The following ANO3 variants were observed in gnomAD, a reference collection of about 807,000 sequenced individuals.
ANO3 encodes anoctamin 3.
ANO3 carries 99 observed loss-of-function variants against 144.8 expected under a neutral mutation model. The observed-to-expected ratio is 0.68, with a 90% CI of 0.58 to 0.81. ANO3 has a LOEUF of 0.81. Ranked by LOEUF, ANO3 falls within the 30% of genes least tolerant of loss-of-function variation. ANO3 has a pLI of 0.00. For missense variants in ANO3, 905 were observed against 1,202.2 expected, an observed-to-expected ratio of 0.75 and a Z score of 3.66; for synonymous variants, 414 against 392.6, an observed-to-expected ratio of 1.05 and a Z score of -0.64.
chr11:26,385,620 A>G (rs751696477), intron 1 of ANO3, among the ~76,000 whole-genome samples: 15 of 152,040 alleles, frequency 9.9e-5, no homozygotes, highest in Non-Finnish European at 1.6e-4. Context: ...TTAGGTGACA[A>G]TGACTGTGAC....
intron 14 of ANO3, among the ~76,000 whole-genome samples, chr11:26,595,945 T>C (rs1224574884): frequency 6.6e-6 from 1 of 152,198 alleles, no homozygotes; most frequent in African/African-American, 2.4e-5. Flanking sequence ...ACCAATTGAA[T>C]GCATTTGGGC....
chr11:26,517,670 A>G (rs1182503171), intron 6 of ANO3, among the ~76,000 whole-genome samples: 1 of 152,110 alleles, frequency 6.6e-6, no homozygotes, highest in Non-Finnish European at 1.5e-5. Context: ...CAGAATGCCA[A>G]GTAAGAGCCT....
intron 16 of ANO3, 138 bp from the exon 17 acceptor site, chr11:26,599,412 A>G: frequency 1.1e-6 from 1 of 919,624 alleles, no homozygotes; most frequent in Non-Finnish European, 1.6e-6. Flanking sequence ...CTTAAAGGAG[A>G]AAATTAAATC....
chr11:26,246,113 G>T (rs965839064), intron 1 of ANO3, among the ~76,000 whole-genome samples: 1 of 152,116 alleles, frequency 6.6e-6, no homozygotes, highest in African/African-American at 2.4e-5. Context: ...GGGAAGGTAA[G>T]GGAGACCTTA....
intron 5 of ANO3, among the ~76,000 whole-genome samples, chr11:26,510,400 G>A (rs1381295344): frequency 1.3e-5 from 2 of 151,858 alleles, no homozygotes; most frequent in Non-Finnish European, 2.9e-5. Context: ...ATCACTGGTG[G>A]CTAATTAAAT....
At chr11:26,403,677 C>G (rs964585615) in intron 1 of ANO3, among the ~76,000 whole-genome samples, 9 of 151,994 alleles carry the variant, frequency 5.9e-5, no homozygotes, top group African/African-American at 2.2e-4. Context: ...CTTATCATCT[C>G]AGAAAGAATA....
chr11:26,516,783 G>C, intron 5 of ANO3, 44 bp from the exon 6 acceptor site: 1 of 1,360,910 alleles, frequency 7.3e-7, no homozygotes, highest in Non-Finnish European at 1.0e-6. Context: ...GATATCATCA[G>C]CTCTGATTCT....
chr11:26,332,014 T>A (rs1531395), upstream of ANO3: 468 of 1,027,388 alleles, frequency 4.6e-4, 2 homozygotes, highest in African/African-American at 4.6e-3. Flanking sequence ...CCCCTCACTG[T>A]GGCACTGGAC....
chr11:26,619,785 G>C (rs533699908), intron 17 of ANO3, among the ~76,000 whole-genome samples: 2 of 152,232 alleles, frequency 1.3e-5, no homozygotes, highest in South Asian at 4.1e-4. Context: ...ACAGATTCTT[G>C]AGTCCTGTTC....
At chr11:26,407,272 T>C (rs1377029129) in intron 1 of ANO3, among the ~76,000 whole-genome samples, 2 of 151,420 alleles carry the variant, frequency 1.3e-5, no homozygotes, top group African/African-American at 4.8e-5. Context: ...TTACTTTGAG[T>C]GCTCAGCTCT....
chr11:26,384,004 T>C (rs768609073), intron 1 of ANO3, among the ~76,000 whole-genome samples: 10 of 148,338 alleles, frequency 6.7e-5, no homozygotes, highest in Non-Finnish European at 1.2e-4. Context: ...TGCAAGTGAT[T>C]CTTCTGCCTC....
At chr11:26,659,079 T>C (rs200362406) in intron 26 of ANO3, among the ~76,000 whole-genome samples, 1 of 147,624 alleles carries the variant, frequency 6.8e-6, no homozygotes, top group Non-Finnish European at 1.5e-5. Context: ...CCTTGAGCCA[T>C]ACACACACAC....
At chr11:26,306,347 AATCTGT>A (rs143510568), upstream of ANO3, among the ~76,000 whole-genome samples, 5,904 of 151,932 alleles carry the variant, frequency 0.039, 388 homozygotes, top group African/African-American at 0.14. Flanking sequence ...ATAATATCCC[AATCTGT>A]ATCTCCTAAC....
intron 1 of ANO3, among the ~76,000 whole-genome samples, chr11:26,192,907 G>A (rs976319072): frequency 1.3e-5 from 2 of 152,024 alleles, no homozygotes; most frequent in African/African-American, 4.8e-5. Context: ...AGTAACTAAA[G>A]TATAAATGTC....
chr11:26,297,184 C>CGT (rs377447870), intron 1 of ANO3, among the ~76,000 whole-genome samples: 1,847 of 146,374 alleles, frequency 0.013, 17 homozygotes, highest in Middle Eastern at 0.035. Context: ...TCAACCATTG[C>CGT]GTGTGTGTGT....
At chr11:26,326,408 T>C (rs1039824974) in intron 1 of ANO3, among the ~76,000 whole-genome samples, 2 of 152,202 alleles carry the variant, frequency 1.3e-5, no homozygotes, top group African/African-American at 2.4e-5. Flanking sequence ...TTTTGAATTT[T>C]ATCATTATGG....
chr11:26,481,641 A>C (rs550889395), intron 4 of ANO3, among the ~76,000 whole-genome samples: 1 of 152,338 alleles, frequency 6.6e-6, no homozygotes, highest in South Asian at 2.1e-4. Flanking sequence ...GCCTATTGAT[A>C]AAATTTATCT....
intron 6 of ANO3, among the ~76,000 whole-genome samples, chr11:26,524,980 G>A (rs1251841888): frequency 6.6e-6 from 1 of 152,116 alleles, no homozygotes; most frequent in East Asian, 1.9e-4. Context: ...TCCCATTCAT[G>A]CTTCAAGATT....
At chr11:26,473,771 G>A (rs1000482997) in intron 4 of ANO3, 2 of 174,068 alleles carry the variant, frequency 1.1e-5, no homozygotes, top group Non-Finnish European at 2.3e-5. Flanking sequence ...TGTCACTTAG[G>A]TGACTCATGC....
Sources: gnomAD v4.1 joint callset for allele counts (sites outside exome capture counted in the v4.1 genomes callset) on GRCh38, gnomAD v4.1.1 for gene constraint, MANE v1.5 for transcripts, NCBI Gene and HGNC (gene_info 2026-07-23, HGNC 2026-07-21) for gene names.